NRXN3: variants seen among roughly 807,000 people sequenced by gnomAD.
The protein encoded by NRXN3 is neurexin III.
NRXN3 carries 32 observed loss-of-function variants against 137.6 expected under a neutral mutation model. The ratio of observed to expected loss-of-function variants is 0.23; its 90% CI spans 0.18 to 0.31. The LOEUF (loss-of-function observed/expected upper bound fraction) is 0.31. Ranked by LOEUF, NRXN3 falls within the 10% of genes least tolerant of loss-of-function variation. NRXN3 has a pLI of 1.00. For synonymous variants in NRXN3, 798 were observed against 784.5 expected, an observed-to-expected ratio of 1.02 and a Z score of -0.29; for missense variants, 1,574 against 2,062.5, an observed-to-expected ratio of 0.76 and a Z score of 4.59.
At chr14:79,011,763 T>C (rs906045942) in intron 15 of NRXN3, among the ~76,000 whole-genome samples, 1 of 152,094 alleles carries the variant, frequency 6.6e-6, no homozygotes, top group Non-Finnish European at 1.5e-5. Flanking sequence ...ACACTGGCTA[T>C]GAGATCGCCC....
At chr14:78,376,027 C>G (rs970256376) in intron 4 of NRXN3, among the ~76,000 whole-genome samples, 1 of 151,842 alleles carries the variant, frequency 6.6e-6, no homozygotes, top group Non-Finnish European at 1.5e-5. Context: ...CACATACACA[C>G]ACACACACAC....
At chr14:78,780,737 A>C (rs192054055) in intron 8 of NRXN3, among the ~76,000 whole-genome samples, 9 of 152,344 alleles carry the variant, frequency 5.9e-5, no homozygotes, top group Admixed American at 5.9e-4. Flanking sequence ...TGAGAATACA[A>C]ATTCAAAAAG....
chr14:79,696,038 T>G (rs1474569765), intron 18 of NRXN3, among the ~76,000 whole-genome samples: 2 of 151,938 alleles, frequency 1.3e-5, no homozygotes, highest in Non-Finnish European at 2.9e-5. Flanking sequence ...GCACTATGAG[T>G]TGCCTAGTGT....
At chr14:79,165,101 G>A (rs1328443334) in intron 15 of NRXN3, among the ~76,000 whole-genome samples, 3 of 151,948 alleles carry the variant, frequency 2.0e-5, no homozygotes, top group South Asian at 4.2e-4. Flanking sequence ...TTTAGCCAGC[G>A]GTTGGTGGTT....
chr14:79,365,591 C>T (rs1412621763), intron 15 of NRXN3, among the ~76,000 whole-genome samples: 2 of 150,528 alleles, frequency 1.3e-5, no homozygotes, highest in Non-Finnish European at 3.0e-5. Flanking sequence ...CGGTGGCGGG[C>T]GCCTGTAGTC....
intron 6 of NRXN3, among the ~76,000 whole-genome samples, chr14:78,694,904 G>A (rs981446892): frequency 6.6e-6 from 1 of 151,956 alleles, no homozygotes; most frequent in African/African-American, 2.4e-5. Flanking sequence ...CAGTGGGAGG[G>A]TGTATTAATT....
intron 8 of NRXN3, among the ~76,000 whole-genome samples, chr14:78,723,243 A>C (rs1358326976): frequency 6.6e-6 from 1 of 152,220 alleles, no homozygotes; most frequent in Non-Finnish European, 1.5e-5. Context: ...AGCATATAAT[A>C]GTCCAGTTTG....
At chr14:79,626,356 G>GGTCTCA (rs904983124) in intron 16 of NRXN3, among the ~76,000 whole-genome samples, 12 of 151,868 alleles carry the variant, frequency 7.9e-5, no homozygotes, top group African/African-American at 2.9e-4. Context: ...GACCATGATG[G>GGTCTCA]GTCTCAGTCA....
chr14:78,586,540 C>A (rs1345140043), intron 4 of NRXN3, among the ~76,000 whole-genome samples: 1 of 152,202 alleles, frequency 6.6e-6, no homozygotes, highest in African/African-American at 2.4e-5. Context: ...AATGCTCTTA[C>A]AGCATCTACT....
intron 4 of NRXN3, among the ~76,000 whole-genome samples, chr14:78,330,900 G>A (rs557782156): frequency 1.3e-5 from 2 of 152,086 alleles, no homozygotes; most frequent in Non-Finnish European, 2.9e-5. Context: ...TCATTACTCT[G>A]TAAGTACATA....
At chr14:79,213,216 T>G (rs1464658763) in intron 15 of NRXN3, among the ~76,000 whole-genome samples, 1 of 152,120 alleles carries the variant, frequency 6.6e-6, no homozygotes, top group African/African-American at 2.4e-5. Context: ...GTGGTAAAGG[T>G]GTATGCCTCT....
At chr14:79,773,656 A>G (rs2139875833) in intron 19 of NRXN3, among the ~76,000 whole-genome samples, 1 of 150,460 alleles carries the variant, frequency 6.6e-6, no homozygotes, top group East Asian at 2.0e-4. Context: ...GAGGGATAGC[A>G]TTGGGATATA....
chr14:78,638,320 G>A (rs2097584149), intron 4 of NRXN3, among the ~76,000 whole-genome samples: 1 of 152,126 alleles, frequency 6.6e-6, no homozygotes, highest in African/African-American at 2.4e-5. Context: ...CCCGTCTGCT[G>A]GTACACTCTG....
Position 79,861,096 on chromosome 14 carries a change from C to A in NRXN3, c.4094-246C>A. On this transcript the variant is annotated intron_variant, in intron 20 of 20. Coordinates refer to ENST00000335750, the MANE Select transcript of NRXN3 (RefSeq NM_001330195.2). The surrounding 1 kb of genome is among the most constrained non-coding windows in gnomAD (Gnocchi z 5.4). ...GACCCTTTAGCTACCCCTCCTATTG[C>A]TACTCGTGCACCTTCCATTACACTC... is the stretch of plus-strand genomic sequence containing the variant. 1.4e-6 allele frequency: 2 copies of A among 1,440,410 alleles called. No homozygotes were observed. The highest frequency in any genetic ancestry group is 1.8e-6 in the Non-Finnish European group (2 of 1,100,074). 89.2% of individuals were successfully genotyped at this position (1,440,410 alleles called of 1,614,324 possible).
intron 15 of NRXN3, among the ~76,000 whole-genome samples, chr14:79,117,327 A>C (rs912942282): frequency 6.6e-6 from 1 of 152,234 alleles, no homozygotes; most frequent in Non-Finnish European, 1.5e-5. Flanking sequence ...TCAGATGGAA[A>C]TAAGGTATCA....
chr14:78,238,835 A>G (rs2066695680), intron 1 of NRXN3, among the ~76,000 whole-genome samples: 1 of 152,160 alleles, frequency 6.6e-6, no homozygotes, highest in Admixed American at 6.5e-5. Flanking sequence ...AGGATGAGGG[A>G]CTGAAGGAAT....
At chr14:78,380,252 G>C (rs1203809388) in intron 4 of NRXN3, among the ~76,000 whole-genome samples, 6 of 131,354 alleles carry the variant, frequency 4.6e-5, no homozygotes, top group Admixed American at 2.9e-4. Context: ...AGCGAGCCGA[G>C]ATTGCGCCAC....
Position 79,846,697 on chromosome 14 carries a change from G to A in NRXN3, c.4094-14645G>A, listed in dbSNP as rs117826987. Reference sequence around the variant, plus strand: ...TCTTTGTGACCCTACTGTACCCTACGCAGATTTTTGTTGACTCAATACTCC... The same window carrying A: ...TCTTTGTGACCCTACTGTACCCTACACAGATTTTTGTTGACTCAATACTCC... On this transcript the variant is annotated intron_variant, in intron 20 of 20. Transcript: ENST00000335750. Among the ~76,000 whole-genome samples the A allele has an allele frequency of 2.3e-3, 348 of 152,116 alleles. 13 individuals carry two copies. The East Asian group carries it at 0.045, about 20-fold the overall frequency.
chr14:78,778,827 TTC>T (rs1182129540), intron 8 of NRXN3, among the ~76,000 whole-genome samples: 1 of 147,886 alleles, frequency 6.8e-6, no homozygotes, highest in African/African-American at 2.5e-5. Context: ...TTTCTTTTCC[TTC>T]TTTCTTTTTT....
Sources: gnomAD v4.1 joint callset for allele counts (sites outside exome capture counted in the v4.1 genomes callset) on GRCh38, gnomAD v4.1.1 for gene constraint, Gnocchi (gnomAD v3.1) non-coding constraint, MANE v1.5 for transcripts, NCBI Gene and HGNC (gene_info 2026-07-23, HGNC 2026-07-21) for gene names.